DNAH11: variants seen among roughly 807,000 people sequenced by gnomAD.
DNAH11 encodes dynein axonemal heavy chain 11, also known as axonemal beta dynein heavy chain 11.
In DNAH11, 442 loss-of-function variants were observed where a neutral mutation model predicts 526.0. The observed-to-expected ratio is 0.84, with a 90% CI of 0.78 to 0.91. The LOEUF (loss-of-function observed/expected upper bound fraction) is 0.91. DNAH11 is among the 40% of genes least tolerant of loss of function. DNAH11 has a pLI of 0.00. For synonymous variants in DNAH11, 2,461 were observed against 1,935.9 expected (o/e 1.27, Z -7.12); for missense variants, 6,989 against 5,448.7 (o/e 1.28, Z -8.90).
intron 26 of DNAH11, 139 bp downstream of exon 26, chr7:21,636,234 TAATA>T (rs1786857947): frequency 7.4e-6 from 5 of 673,210 alleles, no homozygotes; most frequent in Non-Finnish European, 1.2e-5. Flanking sequence ...AAGGGCCAGG[TAATA>T]AATATTTCAG....
chr7:21,744,691 A>G (rs992180781), intron 50 of DNAH11, 92 bp downstream of exon 50: 4 of 1,520,614 alleles, frequency 2.6e-6, no homozygotes, highest in Admixed American at 2.2e-5. Context: ...GAAGTGCACA[A>G]GGGCTTACCT....
intron 32 of DNAH11, 58 bp downstream of exon 32, chr7:21,684,002 G>T: frequency 1.9e-6 from 3 of 1,564,952 alleles, no homozygotes; most frequent in Non-Finnish European, 8.7e-7. Context: ...GTCCCCTAGT[G>T]TGAGAATGAA....
At chr7:21,582,314 A>G (rs1784339453) in intron 9 of DNAH11, among the ~76,000 whole-genome samples, 1 of 152,222 alleles carries the variant, frequency 6.6e-6, no homozygotes, top group African/African-American at 2.4e-5. Flanking sequence ...TTGATTCAAA[A>G]TTAAGTCACA....
intron 63 of DNAH11, among the ~76,000 whole-genome samples, chr7:21,812,934 T>A (rs1223335268): frequency 1.3e-5 from 2 of 152,018 alleles, no homozygotes; most frequent in African/African-American, 2.4e-5. Flanking sequence ...GAGAGCCTGG[T>A]TTTGCTTAAG....
At position 21,681,596 on chromosome 7, in the gene DNAH11, T is replaced by C. The variant is rs780390957; in HGVS notation, c.5379T>C (p.Pro1793=). ...LITLLLGELP[P]GDRQKIMTIC... is the part of the protein sequence containing the mutation. ...CACTTTTGCTGGGAGAACTTCCACCTGGAGACAGACAGAAGATCATGACAA... is the reference window on the plus strand; with the variant it reads ...CACTTTTGCTGGGAGAACTTCCACCCGGAGACAGACAGAAGATCATGACAA... Residue 1793 remains proline (P), a synonymous_variant, in exon 31 of 82, where the codon CCT becomes CCC. Transcript: ENST00000409508. 1 of 1,613,890 alleles carries C rather than the reference T, an allele frequency of 6.2e-7. No homozygotes were observed. The highest frequency in any genetic ancestry group is 8.5e-7 in the Non-Finnish European group (1 of 1,179,804).
chr7:21,727,660 G>T (rs922495386), intron 45 of DNAH11, among the ~76,000 whole-genome samples: 4 of 152,072 alleles, frequency 2.6e-5, no homozygotes, highest in African/African-American at 9.7e-5. Context: ...TCATTTTGGA[G>T]CTTATTATTT....
chr7:21,836,007 C>G (rs1376678018), intron 65 of DNAH11, among the ~76,000 whole-genome samples: 1 of 151,824 alleles, frequency 6.6e-6, no homozygotes, highest in Non-Finnish European at 1.5e-5. Flanking sequence ...TTTACAAAAG[C>G]TACCAAATAA....
intron 65 of DNAH11, 99 bp from the exon 66 acceptor site, chr7:21,842,445 G>T: frequency 9.7e-7 from 1 of 1,029,862 alleles, no homozygotes; most frequent in Non-Finnish European, 1.4e-6. Context: ...CTGAGCTTCT[G>T]GCCAAGGTCC....
chr7:21,589,432 A>G (rs777715592), intron 12 of DNAH11, 29 bp downstream of exon 12: 23 of 1,533,150 alleles, frequency 1.5e-5, no homozygotes, highest in Non-Finnish European at 1.9e-5. Flanking sequence ...AAGATGATTT[A>G]TAAGTGCCCT....
At chr7:21,547,308 A>G (rs1474186389) in intron 2 of DNAH11, among the ~76,000 whole-genome samples, 1 of 152,238 alleles carries the variant, frequency 6.6e-6, no homozygotes, top group Non-Finnish European at 1.5e-5. Context: ...TGGCTTTGTC[A>G]TGGAATAATG....
intron 66 of DNAH11, among the ~76,000 whole-genome samples, chr7:21,843,288 A>G (rs898268622): frequency 1.3e-5 from 2 of 152,228 alleles, no homozygotes; most frequent in African/African-American, 4.8e-5. Flanking sequence ...ATACTGACAT[A>G]GAAAATAGAC....
chr7:21,567,298 ATT>A (rs1051344602), intron 6 of DNAH11, among the ~76,000 whole-genome samples: 1 of 152,030 alleles, frequency 6.6e-6, no homozygotes, highest in African/African-American at 2.4e-5. Flanking sequence ...CTATAATTGT[ATT>A]TCCTCTTGTC....
At position 21,595,489 on chromosome 7, in the gene DNAH11, C is replaced by G. The variant is rs185840052; in HGVS notation, c.2667+3912C>G. Among the ~76,000 whole-genome samples the G allele has an allele frequency of 6.0e-3, 919 of 152,254 alleles. 12 individuals carry two copies. Among genetic ancestry groups the G allele is most frequent in the African/African-American group, 0.021 (871 of 41,550 alleles). ...ATTAAGTGGAGCAAACAGAGTTTCCCAAAGACTGGATGTGGAGCACGAAAG... is the reference window on the plus strand; with the variant it reads ...ATTAAGTGGAGCAAACAGAGTTTCCGAAAGACTGGATGTGGAGCACGAAAG... On this transcript the variant is annotated intron_variant, in intron 14 of 81. Transcript: ENST00000409508.
intron 42 of DNAH11, among the ~76,000 whole-genome samples, chr7:21,715,860 C>CCA (rs1157110318): frequency 1.3e-4 from 15 of 119,464 alleles, no homozygotes; most frequent in African/African-American, 5.4e-4. Flanking sequence ...CTGATTTCCC[C>CCA]CTCCCACCCC....
chr7:21,698,223 C>A lies in DNAH11; in HGVS notation c.6180+10C>A. On this transcript the variant is annotated intron_variant, in intron 36 of 81. Transcript: ENST00000409508. The stretch of plus-strand genomic sequence containing the variant: ...GCTTCTCTCCAAGCAGGTGAGGGAT[C>A]ATTTGTTACGTTTTCTTGTTTTTAC... The A allele has an allele frequency of 6.2e-7, 1 of 1,612,256 alleles. No individual in the cohort carries two copies. Among genetic ancestry groups the A allele is most frequent in the South Asian group, 1.1e-5 (1 of 90,538 alleles).
chr7:21,735,510 A>G (rs1785562860), intron 45 of DNAH11, 130 bp from the exon 46 acceptor site: 1 of 782,120 alleles, frequency 1.3e-6, no homozygotes, highest in African/African-American at 1.7e-5. Flanking sequence ...GCTAATCTGA[A>G]CTATGAATTA....
At chr7:21,768,448 A>T (rs1042568865) in intron 55 of DNAH11, among the ~76,000 whole-genome samples, 3 of 152,216 alleles carry the variant, frequency 2.0e-5, no homozygotes, top group African/African-American at 7.2e-5. Context: ...ACTGAATGGA[A>T]ATGAAACAGT....
At chr7:21,616,831 C>T (rs566475519) in intron 22 of DNAH11, among the ~76,000 whole-genome samples, 90 of 152,222 alleles carry the variant, frequency 5.9e-4, no homozygotes, top group African/African-American at 1.9e-3. Context: ...TCTGCATAGC[C>T]GTATGCCCTC....
intron 29 of DNAH11, among the ~76,000 whole-genome samples, chr7:21,656,883 G>C (rs1485213553): frequency 6.6e-6 from 1 of 152,068 alleles, no homozygotes; most frequent in African/African-American, 2.4e-5. Flanking sequence ...TTGATCTCTT[G>C]GGCTTTTTAG....
Sources: allele counts gnomAD v4.1 joint callset (sites outside exome capture counted in the v4.1 genomes callset), GRCh38; gene constraint gnomAD v4.1.1; transcripts MANE v1.5; gene names NCBI Gene and HGNC (gene_info 2026-07-23, HGNC 2026-07-21).